The following CDH7 variants were observed in gnomAD, a reference collection of about 807,000 sequenced individuals.
The protein encoded by CDH7 is cadherin-7.
In CDH7, 25 loss-of-function variants were observed where a neutral mutation model predicts 71.8. The ratio of observed to expected loss-of-function variants is 0.35; its 90% CI spans 0.25 to 0.49. The LOEUF is 0.49. Ranked by LOEUF, CDH7 falls within the 20% of genes least tolerant of loss-of-function variation. The pLI, the probability that CDH7 is intolerant of heterozygous loss-of-function variation, is 0.99. For synonymous variants in CDH7, 381 were observed against 363.8 expected (o/e 1.05, Z -0.54); for missense variants, 862 against 974.6 (o/e 0.88, Z 1.54).
At chr18:65,840,039 T>G (rs938605067) in intron 6 of CDH7, among the ~76,000 whole-genome samples, 1 of 152,226 alleles carries the variant, frequency 6.6e-6, no homozygotes, top group Non-Finnish European at 1.5e-5. Context: ...AAATTATTAT[T>G]TGCAAACAAT....
intron 1 of CDH7, among the ~76,000 whole-genome samples, chr18:65,761,099 C>A (rs1034302747): frequency 6.6e-6 from 1 of 152,140 alleles, no homozygotes; most frequent in African/African-American, 2.4e-5. Context: ...AGATTGTGTT[C>A]TCTGCACAGG....
intron 6 of CDH7, among the ~76,000 whole-genome samples, chr18:65,826,800 T>TG (rs1912148046): frequency 3.3e-5 from 5 of 151,590 alleles, no homozygotes. Context: ...CTACTTTGAC[T>TG]ATTATTAGAG....
In CDH7 at chr18:65,862,704, C is replaced by T. The variant is rs533419487; in HGVS notation, c.1651C>T (p.Arg551Trp). 49 of 1,614,092 alleles carry T rather than the reference C, an allele frequency of 3.0e-5. No homozygotes were observed. The highest frequency in any genetic ancestry group is 3.8e-5 in the Non-Finnish European group (45 of 1,179,956). ...AATACTGACCAGGAGAAACGGCTTCCGGAGACAGGAACAATCAGTTTACTA... is the reference window on the plus strand; with the variant it reads ...AATACTGACCAGGAGAAACGGCTTCTGGAGACAGGAACAATCAGTTTACTA... ...ASILTRRNGF[R>W]RQEQSVYYLP... Residue 551 changes from arginine to tryptophan, a missense_variant, in exon 11 of 12, where the codon CGG becomes TGG. Physicochemically the swap from Arg to Trp is moderately radical, Grantham distance 101 (BLOSUM62 -3). Transcript: ENST00000397968.
intron 2 of CDH7, among the ~76,000 whole-genome samples, chr18:65,778,672 T>TTG (rs1910058308): frequency 6.6e-6 from 1 of 151,376 alleles, no homozygotes; most frequent in South Asian, 2.1e-4. Context: ...TTTTCTTTTT[T>TTG]TTTGTTTGTT....
intron 11 of CDH7, among the ~76,000 whole-genome samples, chr18:65,873,066 A>G (rs1913974275): frequency 6.6e-6 from 1 of 152,184 alleles, no homozygotes; most frequent in South Asian, 2.1e-4. Context: ...CAACAGGATC[A>G]ATAAATGGTG....
rs765744398 is a variant in CDH7 at position 65,781,902 on chromosome 18, A to T, written c.210+18850A>T. On this transcript the variant is annotated intron_variant, in intron 2 of 11. Coordinates refer to ENST00000397968, the MANE Select transcript of CDH7 (RefSeq NM_004361.5). ...TCTGTCTCTCTCTCTCTTTCTCTCTATCTTTCTCTCTTTCTCTCTTTCTCT... is the reference window on the plus strand; with the variant it reads ...TCTGTCTCTCTCTCTCTTTCTCTCTTTCTTTCTCTCTTTCTCTCTTTCTCT... Among the ~76,000 whole-genome samples the T allele has an allele frequency of 3.2e-3, 65 of 20,282 alleles. 1 individual carries two copies. The highest frequency in any genetic ancestry group is 0.011 in the African/African-American group (25 of 2,210). 13.3% of individuals were successfully genotyped at this position (20,282 alleles called of 152,430 possible). A position where few individuals can be genotyped will look rare whatever the true frequency, so the allele number is the denominator to read the frequency against.
chr18:65,779,988 T>C (rs1189987329), intron 2 of CDH7, among the ~76,000 whole-genome samples: 1 of 107,392 alleles, frequency 9.3e-6, no homozygotes, highest in Admixed American at 8.2e-5. Context: ...TTTTTAATGA[T>C]TGCCATTCTA....
At chr18:65,789,882 C>T (rs1910648410) in intron 2 of CDH7, among the ~76,000 whole-genome samples, 1 of 151,938 alleles carries the variant, frequency 6.6e-6, no homozygotes, top group African/African-American at 2.4e-5. Context: ...CTGTTTCTGG[C>T]TCTAGGTACA....
chr18:65,811,178 G>A (rs1911520690), intron 3 of CDH7, among the ~76,000 whole-genome samples: 1 of 68,448 alleles, frequency 1.5e-5, no homozygotes, highest in Non-Finnish European at 2.9e-5. Context: ...TTTAACCCAT[G>A]TGATTTATTA....
At chr18:65,781,980 C>CTCTCTCTT (rs1289756656) in intron 2 of CDH7, among the ~76,000 whole-genome samples, 2 of 70,958 alleles carry the variant, frequency 2.8e-5, no homozygotes, top group South Asian at 4.7e-4. Context: ...CTCTCTCTCT[C>CTCTCTCTT]TCTCTCTTTC....
intron 2 of CDH7, among the ~76,000 whole-genome samples, chr18:65,769,372 A>T (rs998898531): frequency 2.0e-5 from 3 of 152,160 alleles, no homozygotes; most frequent in African/African-American, 7.2e-5. Context: ...GAAACAATAA[A>T]TTTTGATTTT....
chr18:65,764,824 T>G, intron 2 of CDH7, among the ~76,000 whole-genome samples: 1 of 152,070 alleles, frequency 6.6e-6, no homozygotes, highest in Non-Finnish European at 1.5e-5. Flanking sequence ...GTTTTAAAAT[T>G]TAAATGGCCT....
intron 5 of CDH7, 58 bp downstream of exon 5, chr18:65,822,306 T>C: frequency 7.3e-7 from 1 of 1,362,590 alleles, no homozygotes; most frequent in Non-Finnish European, 1.0e-6. Flanking sequence ...GTCTATAAAA[T>C]ACATCTTTAA....
At chr18:65,756,230 T>G (rs928492700) in intron 1 of CDH7, among the ~76,000 whole-genome samples, 19 of 152,142 alleles carry the variant, frequency 1.2e-4, no homozygotes, top group Non-Finnish European at 1.3e-4. Flanking sequence ...TTTTTTCTAT[T>G]TTGGTGCTAT....
At chr18:65,803,879 C>T (rs1267617563) in intron 2 of CDH7, 1 of 145,018 alleles carries the variant, frequency 6.9e-6, no homozygotes, top group African/African-American at 2.5e-5. Context: ...AAAGAACACA[C>T]ACACTTTTTA....
chr18:65,781,819 C>CTTTCTTTCTTTCT (rs1910225190), intron 2 of CDH7, among the ~76,000 whole-genome samples: 1 of 43,898 alleles, frequency 2.3e-5, no homozygotes, highest in Non-Finnish European at 4.2e-5. Context: ...TCCTTCCTTC[C>CTTTCTTTCTTTCT]TTCTTTCTTT....
At chr18:65,782,628 C>G (rs1273767345) in intron 2 of CDH7, among the ~76,000 whole-genome samples, 1 of 152,144 alleles carries the variant, frequency 6.6e-6, no homozygotes, top group African/African-American at 2.4e-5. Context: ...AACCATTGCT[C>G]TTAGGGGAAA....
At chr18:65,840,668 C>G (rs1427236581) in intron 6 of CDH7, among the ~76,000 whole-genome samples, 1 of 152,116 alleles carries the variant, frequency 6.6e-6, no homozygotes, top group African/African-American at 2.4e-5. Context: ...TTGTCTGCCA[C>G]CACGTGAGAT....
At chr18:65,834,422 G>A (rs1431796415) in intron 6 of CDH7, among the ~76,000 whole-genome samples, 1 of 152,138 alleles carries the variant, frequency 6.6e-6, no homozygotes, top group African/African-American at 2.4e-5. Flanking sequence ...TCCATGGAGG[G>A]CACAAATGAA....
Sources: allele counts gnomAD v4.1 joint callset (sites outside exome capture counted in the v4.1 genomes callset), GRCh38; gene constraint gnomAD v4.1.1; transcripts MANE v1.5; gene names NCBI Gene and HGNC (gene_info 2026-07-23, HGNC 2026-07-21).